The following DIP2C variants were observed in gnomAD, a reference collection of about 807,000 sequenced individuals.
DIP2C encodes the protein disco-interacting protein 2 homolog C.
A neutral mutation model predicts 192.4 loss-of-function variants in DIP2C; 33 were observed. The ratio of observed to expected loss-of-function variants is 0.17; its 90% confidence interval spans 0.13 to 0.23. DIP2C has a LOEUF of 0.23. DIP2C is among the 10% of genes least tolerant of loss of function. The probability of loss-of-function intolerance (pLI) is 1.00; values close to 1 mark genes in which losing one functional copy is unlikely to be tolerated. For synonymous variants in DIP2C, 979 were observed against 864.1 expected (o/e 1.13, Z -2.33); for missense variants, 1,537 against 2,110.1 (o/e 0.73, Z 5.32).
intron 1 of DIP2C, among the ~76,000 whole-genome samples, chr10:594,747 T>C (rs1851605223): frequency 6.6e-6 from 1 of 152,136 alleles, no homozygotes; most frequent in East Asian, 1.9e-4. Context: ...AAAACCCATG[T>C]TCACTTTCTC....
intron 1 of DIP2C, among the ~76,000 whole-genome samples, chr10:645,507 T>C (rs971393789): frequency 5.9e-5 from 9 of 152,196 alleles, no homozygotes; most frequent in African/African-American, 2.2e-4. Flanking sequence ...TCCCATCTGT[T>C]AAATTGTATA....
chr10:357,154 C>CCA (rs371522419), intron 23 of DIP2C, among the ~76,000 whole-genome samples: 20 of 152,308 alleles, frequency 1.3e-4, no homozygotes, highest in Middle Eastern at 3.4e-3. Context: ...TCCTAATGGG[C>CCA]CACACACAAG....
chr10:675,110 G>A (rs1323139078), intron 1 of DIP2C, among the ~76,000 whole-genome samples: 1 of 151,756 alleles, frequency 6.6e-6, no homozygotes, highest in African/African-American at 2.4e-5. Context: ...GACTGTAACA[G>A]AATAAAGCTA....
intron 1 of DIP2C, among the ~76,000 whole-genome samples, chr10:544,401 G>C (rs1848171125): frequency 2.6e-5 from 4 of 152,190 alleles, no homozygotes; most frequent in Admixed American, 2.0e-4. Flanking sequence ...GAAGATTCTT[G>C]CATAAGATTT....
At chr10:385,405 C>A (rs1185636461) in intron 14 of DIP2C, among the ~76,000 whole-genome samples, 1 of 152,230 alleles carries the variant, frequency 6.6e-6, no homozygotes, top group Non-Finnish European at 1.5e-5. Flanking sequence ...TAATTTAAGT[C>A]CAAATCTTTT....
chr10:485,629 C>T (rs1305413060), intron 2 of DIP2C, among the ~76,000 whole-genome samples: 1 of 152,194 alleles, frequency 6.6e-6, no homozygotes, highest in East Asian at 1.9e-4. Context: ...GGACGGGCCT[C>T]GGGAAGAACA....
At chr10:492,082 T>C (rs970105467) in intron 1 of DIP2C, among the ~76,000 whole-genome samples, 20 of 152,126 alleles carry the variant, frequency 1.3e-4, no homozygotes, top group Middle Eastern at 3.4e-3. Flanking sequence ...AGAACCCAGT[T>C]GTTGCTCTGC....
chr10:340,211 A>G (rs1479371568), intron 29 of DIP2C, among the ~76,000 whole-genome samples: 1 of 152,036 alleles, frequency 6.6e-6, no homozygotes, highest in African/African-American at 2.4e-5. Context: ...TCCACTATAA[A>G]TTTTGAGAAA....
At chr10:568,125 G>A (rs905572587) in intron 1 of DIP2C, among the ~76,000 whole-genome samples, 1 of 152,164 alleles carries the variant, frequency 6.6e-6, no homozygotes, top group Non-Finnish European at 1.5e-5. Context: ...TTGTTGTGTT[G>A]GCACAAGCAC....
chr10:589,368 G>A (rs1267245208), intron 1 of DIP2C, among the ~76,000 whole-genome samples: 3 of 152,040 alleles, frequency 2.0e-5, no homozygotes, highest in Non-Finnish European at 4.4e-5. Context: ...TCTTCCCTAT[G>A]GATCATTGGT....
chr10:399,213 G>A lies in DIP2C; in HGVS notation c.1156C>T (p.Leu386=). 6.2e-7 allele frequency: 1 copy of A among 1,614,046 alleles called. No homozygotes were observed. Among genetic ancestry groups the A allele is most frequent in the Non-Finnish European group, 8.5e-7 (1 of 1,180,004 alleles). ...PMVRPGDRVA[L]VFPNNDPAAF... ...GCCGGATCATTGTTGGGGAACACCAGTGCCACCTGTGGGACAGGCCAGAGC... is the reference window on the plus strand; with the variant it reads ...GCCGGATCATTGTTGGGGAACACCAATGCCACCTGTGGGACAGGCCAGAGC... The change falls in exon 10 of 37, where the codon CTG becomes TTG. Residue 386 remains leucine (L), a synonymous_variant. Coordinates refer to ENST00000280886, the MANE Select transcript of DIP2C (RefSeq NM_014974.3).
chr10:530,653 T>TAA (rs59344971), intron 1 of DIP2C, among the ~76,000 whole-genome samples: 33,007 of 105,598 alleles, frequency 0.31, 5,895 homozygotes, highest in Non-Finnish European at 0.41. Flanking sequence ...CCCTATCTCT[T>TAA]AAAAAAAAAA....
chr10:533,684 A>G (rs1251474550), intron 1 of DIP2C, among the ~76,000 whole-genome samples: 1 of 151,444 alleles, frequency 6.6e-6, no homozygotes, highest in Non-Finnish European at 1.5e-5. Flanking sequence ...CTCCCTCACA[A>G]CTAGTCCACA....
At chr10:645,278 T>C (rs1054609218) in intron 1 of DIP2C, among the ~76,000 whole-genome samples, 1 of 152,176 alleles carries the variant, frequency 6.6e-6, no homozygotes, top group Non-Finnish European at 1.5e-5. Flanking sequence ...GAGTCTTGTC[T>C]TGAAAAGTCT....
intron 1 of DIP2C, among the ~76,000 whole-genome samples, chr10:529,658 G>C (rs755709639): frequency 6.6e-6 from 1 of 152,182 alleles, no homozygotes; most frequent in Admixed American, 6.5e-5. Context: ...ACCTGGCTCC[G>C]TTGCATCTTT....
At chr10:536,495 C>T (rs546965310) in intron 1 of DIP2C, among the ~76,000 whole-genome samples, 1 of 152,336 alleles carries the variant, frequency 6.6e-6, no homozygotes, top group African/African-American at 2.4e-5. Context: ...AGGGACATCA[C>T]AGTCCCAGGG....
At chr10:342,950 A>G (rs1309978805) in intron 28 of DIP2C, among the ~76,000 whole-genome samples, 2 of 152,220 alleles carry the variant, frequency 1.3e-5, no homozygotes, top group Admixed American at 6.5e-5. Context: ...TCAGAGGAAA[A>G]AGGAAGTCAA....
At chr10:324,886 T>C (rs1231479594) in intron 31 of DIP2C, 1 of 525,644 alleles carries the variant, frequency 1.9e-6, no homozygotes, top group South Asian at 1.4e-5. Flanking sequence ...TCCTGCGCTG[T>C]TTTTCTTTCA....
chr10:378,572 C>G (rs889509152), intron 17 of DIP2C, among the ~76,000 whole-genome samples: 2 of 135,444 alleles, frequency 1.5e-5, no homozygotes, highest in African/African-American at 5.7e-5. Flanking sequence ...CACAAACATG[C>G]AGACATGTGA....
Sources: allele counts gnomAD v4.1 joint callset (sites outside exome capture counted in the v4.1 genomes callset), GRCh38; gene constraint gnomAD v4.1.1; transcripts MANE v1.5; gene names NCBI Gene and HGNC (gene_info 2026-07-23, HGNC 2026-07-21).